CYP2C18: variants seen among roughly 807,000 people sequenced by gnomAD.
CYP2C18 encodes cytochrome P450 2C18.
Under a neutral mutation model 41.3 loss-of-function variants are expected in CYP2C18, and 38 were observed. That is an observed-to-expected ratio of 0.92 (90% CI 0.71 to 1.21). The LOEUF is 1.21. Among genes scored for constraint, CYP2C18 ranks in the 50% most tolerant of loss-of-function variants. CYP2C18 has a pLI of 0.00. For missense variants in CYP2C18, 635 were observed against 591.4 expected (o/e 1.07, Z -0.77); for synonymous variants, 236 against 210.0 (o/e 1.12, Z -1.07).
At chr10:94,718,401 T>G (rs1321428636) in intron 5 of CYP2C18, among the ~76,000 whole-genome samples, 1 of 151,704 alleles carries the variant, frequency 6.6e-6, no homozygotes, top group Non-Finnish European at 1.5e-5. Context: ...CAGAGACAAT[T>G]TTACTTCTTT....
intron 5 of CYP2C18, among the ~76,000 whole-genome samples, chr10:94,713,544 T>A (rs1589801552): frequency 6.6e-6 from 1 of 152,210 alleles, no homozygotes. Flanking sequence ...TATTCCATGG[T>A]GTATATGTGC....
intron 5 of CYP2C18, among the ~76,000 whole-genome samples, chr10:94,715,667 G>A (rs1439486270): frequency 6.6e-6 from 1 of 152,138 alleles, no homozygotes; most frequent in African/African-American, 2.4e-5. Context: ...TCTCTGTCAG[G>A]CTTTGGTATT....
intron 7 of CYP2C18, among the ~76,000 whole-genome samples, chr10:94,727,250 A>G (rs988851066): frequency 2.0e-5 from 3 of 152,148 alleles, no homozygotes; most frequent in Non-Finnish European, 4.4e-5. Context: ...CATTTGGCTA[A>G]ACATTTACTT....
chr10:94,685,034 T>C (rs989149422), intron 1 of CYP2C18, among the ~76,000 whole-genome samples: 23 of 150,478 alleles, frequency 1.5e-4, no homozygotes, highest in African/African-American at 5.7e-4. Flanking sequence ...TTTAATTAAT[T>C]AATTAATTAA....
intron 7 of CYP2C18, among the ~76,000 whole-genome samples, chr10:94,731,022 T>G (rs1037273640): frequency 6.6e-6 from 1 of 152,272 alleles, no homozygotes; most frequent in Admixed American, 6.5e-5. Flanking sequence ...AAAGAAATCA[T>G]AGATGACAAA....
chr10:94,710,731 A>T (rs986414708), intron 5 of CYP2C18, among the ~76,000 whole-genome samples: 3 of 152,136 alleles, frequency 2.0e-5, no homozygotes, highest in Non-Finnish European at 4.4e-5. Context: ...TGTTAAGTTG[A>T]TGTTACCAAT....
chr10:94,690,438 A>C (rs1250320457), intron 3 of CYP2C18, among the ~76,000 whole-genome samples: 3 of 152,214 alleles, frequency 2.0e-5, no homozygotes, highest in Non-Finnish European at 4.4e-5. Context: ...ATCTAGAAGA[A>C]ATGGATAAAT....
chr10:94,721,102 C>G (rs1847638432), intron 6 of CYP2C18, among the ~76,000 whole-genome samples: 1 of 151,892 alleles, frequency 6.6e-6, no homozygotes. Context: ...CAACCTCCGC[C>G]TCCCGGGTTC....
At chr10:94,693,396 C>G (rs147025407) in intron 3 of CYP2C18, among the ~76,000 whole-genome samples, 1 of 152,122 alleles carries the variant, frequency 6.6e-6, no homozygotes, top group East Asian at 1.9e-4. Flanking sequence ...GATTGCATCA[C>G]GCTTCCTGTA....
At chr10:94,730,051 C>G (rs959617982) in intron 7 of CYP2C18, among the ~76,000 whole-genome samples, 4 of 152,092 alleles carry the variant, frequency 2.6e-5, no homozygotes, top group African/African-American at 9.7e-5. Context: ...ATTTTGGTCT[C>G]TTTTGCAGTT....
In CYP2C18 at chr10:94,733,543, G is replaced by A. The variant is rs1339627071; in HGVS notation, c.1291+105G>A. On this transcript the variant is annotated intron_variant, in intron 8 of 8. Transcript: ENST00000285979. ...CTCTGAGGTTTGGCTGAATTGCTTTGCAGATCATTAGCACCATTCCCTATG... is the reference window on the plus strand; with the variant it reads ...CTCTGAGGTTTGGCTGAATTGCTTTACAGATCATTAGCACCATTCCCTATG... The A allele has an allele frequency of 9.0e-6, 14 of 1,552,432 alleles. No individual in the cohort carries two copies. In the East Asian group the frequency reaches 3.0e-4, roughly 33 times the overall value.
chr10:94,686,092 A>G (rs1258301565), intron 1 of CYP2C18, among the ~76,000 whole-genome samples: 1 of 152,050 alleles, frequency 6.6e-6, no homozygotes, highest in African/African-American at 2.4e-5. Flanking sequence ...AGTTTTCAGT[A>G]TATAGATCTT....
chr10:94,730,171 T>G (rs1847803724), intron 7 of CYP2C18, among the ~76,000 whole-genome samples: 1 of 152,164 alleles, frequency 6.6e-6, no homozygotes, highest in Non-Finnish European at 1.5e-5. Flanking sequence ...TATAAGTACT[T>G]GTTAATCAGC....
rs189178210 is a variant in CYP2C18, at chr10:94,701,530, A to C, written c.643-5254A>C. Among the ~76,000 whole-genome samples the C allele has an allele frequency of 2.1e-3, 323 of 152,310 alleles. 2 individuals carry two copies. The highest frequency in any genetic ancestry group is 6.7e-3 in the African/African-American group (278 of 41,552). On this transcript the variant is annotated intron_variant, in intron 4 of 8. Transcript: ENST00000285979. ...TACACCTAATGTTAAATGAAGAGTT[A>C]ATGGGTGCAGCACACCAACATGGCA...
chr10:94,715,773 G>T (rs1452863090), intron 5 of CYP2C18, among the ~76,000 whole-genome samples: 1 of 152,040 alleles, frequency 6.6e-6, no homozygotes, highest in Admixed American at 6.6e-5. Context: ...CCTCCTCCTT[G>T]TACCTCTGGT....
chr10:94,724,258 C>T (rs1847694717), intron 6 of CYP2C18, 88 bp from the exon 7 acceptor site: 5 of 1,315,866 alleles, frequency 3.8e-6, no homozygotes, highest in Admixed American at 1.7e-5. Flanking sequence ...TGTTGGGACC[C>T]CTTCCTTATG....
intron 5 of CYP2C18, among the ~76,000 whole-genome samples, chr10:94,710,263 C>T (rs1847413101): frequency 6.6e-6 from 1 of 152,216 alleles, no homozygotes; most frequent in Non-Finnish European, 1.5e-5. Context: ...GAACCACGCA[C>T]CTGGGTGATG....
At chr10:94,707,197 A>C (rs1847360626) in intron 5 of CYP2C18, among the ~76,000 whole-genome samples, 1 of 152,192 alleles carries the variant, frequency 6.6e-6, no homozygotes, top group African/African-American at 2.4e-5. Flanking sequence ...CTTAGATGAA[A>C]GGGAAATACA....
chr10:94,706,677 G>T (rs1219885280), intron 4 of CYP2C18, 107 bp from the exon 5 acceptor site: 2 of 610,722 alleles, frequency 3.3e-6, no homozygotes, highest in Non-Finnish European at 2.8e-6. Context: ...CTCTTACAGA[G>T]GGAGATAATT....
Sources: allele counts gnomAD v4.1 joint callset (sites outside exome capture counted in the v4.1 genomes callset), GRCh38; gene constraint gnomAD v4.1.1; transcripts MANE v1.5; gene names NCBI Gene and HGNC (gene_info 2026-07-23, HGNC 2026-07-21).